NLRP7: variants seen among roughly 807,000 people sequenced by gnomAD.
The protein encoded by NLRP7 is NLR family pyrin domain containing 7.
In NLRP7, 72 loss-of-function variants were observed where a neutral mutation model predicts 85.5. The ratio of observed to expected loss-of-function variants is 0.84; its 90% CI spans 0.70 to 1.02. The LOEUF is 1.02. Ranked by LOEUF, NLRP7 falls within the 50% of genes least tolerant of loss-of-function variation. The pLI is 0.00. For missense variants in NLRP7, 1,243 were observed against 1,219.5 expected, an observed-to-expected ratio of 1.02 and a Z score of -0.29; for synonymous variants, 550 against 505.2, an observed-to-expected ratio of 1.09 and a Z score of -1.19.
Position 54,941,658 on chromosome 19 carries a change from G to A in NLRP7, c.54C>T (p.Asn18=), listed in dbSNP as rs142035762. The change falls in exon 2 of 10, where the codon AAC becomes AAT. Residue 18 remains asparagine, a synonymous_variant. Coordinates refer to ENST00000340844, the Ensembl canonical transcript of NLRP7. ...ATTTGAAACTCTTTAATTCATCCTC[G>A]TTCAGCTGCTCCAGAAGGGTCTGCA... 5.1e-5 allele frequency: 83 copies of A among 1,613,792 alleles called. No individual in the cohort carries two copies. In the African/African-American group the frequency reaches 7.3e-4, roughly 14 times the overall value.
chr19:54,965,042 G>A (rs1192002901), intron 1 of NLRP7: 1 of 103,002 alleles, frequency 9.7e-6, no homozygotes, highest in Non-Finnish European at 2.0e-5. Flanking sequence ...TGGGACTCTC[G>A]AAAGAACTCC....
chr19:54,952,053 C>T (rs989829100), upstream of NLRP7, among the ~76,000 whole-genome samples: 7 of 152,022 alleles, frequency 4.6e-5, no homozygotes, highest in African/African-American at 1.4e-4. Flanking sequence ...CGCCCGGCCC[C>T]ATTAGACAAA....
At chr19:54,943,416 A>T (rs556040314) in intron 1 of NLRP7, among the ~76,000 whole-genome samples, 2 of 152,202 alleles carry the variant, frequency 1.3e-5, no homozygotes, top group South Asian at 4.2e-4. Flanking sequence ...CCTGGCTAAC[A>T]CGGTGAAACC....
chr19:54,941,068 G>A, intron 2 of NLRP7, 63 bp from the exon 3 acceptor site: 1 of 1,223,952 alleles, frequency 8.2e-7, no homozygotes, highest in African/African-American at 1.5e-5. Context: ...AGACATTATT[G>A]TACATAAAGT....
intron 1 of NLRP7, among the ~76,000 whole-genome samples, chr19:54,963,549 C>T (rs560482973): frequency 3.3e-5 from 5 of 151,820 alleles, no homozygotes; most frequent in Admixed American, 6.6e-5. Context: ...AAAGGCTAGG[C>T]GCAGTGGCTC....
chr19:54,927,934 A>G lies in NLRP7; in HGVS notation c.2810+2565T>C, dbSNP rs566866330. ...CGGTCAAACCCCATCTCTACTAAAA[A>G]TACAAAGATTAGGCAGGGCGTGGGG... On this transcript the variant is annotated intron_variant, in intron 9 of 9. Coordinates refer to ENST00000340844, the Ensembl canonical transcript of NLRP7. Among the ~76,000 whole-genome samples the G allele has an allele frequency of 2.6e-5, 4 of 152,316 alleles. No individual in the cohort carries two copies. In the South Asian group the frequency reaches 8.3e-4, roughly 32 times the overall value.
chr19:54,941,089 C>G (rs925344912), intron 2 of NLRP7, 84 bp from the exon 3 acceptor site: 1 of 999,540 alleles, frequency 1.0e-6, no homozygotes, highest in Non-Finnish European at 1.6e-6. Context: ...GTCAGCCAGG[C>G]ATGGTGGCTC....
intron 1 of NLRP7, among the ~76,000 whole-genome samples, chr19:54,958,416 C>T (rs1056941616): frequency 2.7e-5 from 4 of 149,182 alleles, no homozygotes; most frequent in Admixed American, 2.0e-4. Flanking sequence ...CCGAGGTGGG[C>T]GAATCACAAG....
upstream of NLRP7, chr19:54,947,716 C>G (rs1278703232): frequency 8.8e-7 from 1 of 1,130,678 alleles, no homozygotes; most frequent in Non-Finnish European, 1.2e-6. Context: ...AGAATTACGG[C>G]TTGCTGAATC....
At chr19:54,938,949 C>A (rs2069068924) in exon 4 of NLRP7, 5 of 1,614,106 alleles carry the variant, frequency 3.1e-6, no homozygotes, top group Non-Finnish European at 4.2e-6. Flanking sequence ...CCCTTTGCTA[C>A]CTGCAGTGAG....
At chr19:54,950,893 T>C (rs898301679), upstream of NLRP7, among the ~76,000 whole-genome samples, 3 of 152,196 alleles carry the variant, frequency 2.0e-5, no homozygotes, top group African/African-American at 7.2e-5. Flanking sequence ...TTTCAGGCTA[T>C]CACATGGGGA....
intron 1 of NLRP7, 45 bp downstream of exon 1, chr19:54,947,424 C>T: frequency 7.9e-7 from 1 of 1,268,804 alleles, no homozygotes; most frequent in Non-Finnish European, 1.0e-6. Flanking sequence ...CTTCTTCTCC[C>T]TTAAACGAGA....
At chr19:54,943,125 C>G (rs1225759888) in intron 1 of NLRP7, among the ~76,000 whole-genome samples, 1 of 150,672 alleles carries the variant, frequency 6.6e-6, no homozygotes, top group African/African-American at 2.4e-5. Flanking sequence ...CCAGCCTGGG[C>G]AACAAGAGCG....
Sources: allele counts gnomAD v4.1 joint callset (sites outside exome capture counted in the v4.1 genomes callset), GRCh38; gene constraint gnomAD v4.1.1; transcripts MANE v1.5; gene names NCBI Gene and HGNC (gene_info 2026-07-23, HGNC 2026-07-21).